Variants in LRSAM1 observed in about 807,000 individuals in gnomAD.
LRSAM1 encodes leucine rich repeat and sterile alpha motif containing 1.
Under a neutral mutation model 118.1 loss-of-function variants are expected in LRSAM1, and 96 were observed. The observed-to-expected ratio is 0.81, with a 90% confidence interval of 0.69 to 0.96. LRSAM1 has a LOEUF of 0.96. LRSAM1 is among the 40% of genes least tolerant of loss of function. LRSAM1 has a pLI of 0.00. For missense variants in LRSAM1, 804 were observed against 915.5 expected, an observed-to-expected ratio of 0.88 and a Z score of 1.57; for synonymous variants, 322 against 364.2, an observed-to-expected ratio of 0.88 and a Z score of 1.32.
chr9:127,483,234 A>ATTACTGC (rs1216219480), intron 16 of LRSAM1, among the ~76,000 whole-genome samples: 1 of 152,186 alleles, frequency 6.6e-6, no homozygotes, highest in Admixed American at 6.5e-5. Context: ...CCTTAGGGAC[A>ATTACTGC]TTACTGCTTA....
rs2131997198 is a variant in LRSAM1 at position 127,457,352 on chromosome 9, C to G, written c.211C>G (p.Leu71Val). The G allele has an allele frequency of 6.2e-7, 1 of 1,614,244 alleles. No homozygotes were observed. Among genetic ancestry groups the G allele is most frequent in the East Asian group, 2.2e-5 (1 of 44,884 alleles). Residue 71 changes from leucine (L) to valine (V), a missense_variant, in exon 6 of 26, where the codon CTT becomes GTT. Leu to Val is a conservative substitution (Grantham distance 32). Transcript: ENST00000300417. Reference protein sequence around the residue: ...IVHTNHLTSLLPKSCSLLSLA... With the variant: ...IVHTNHLTSLVPKSCSLLSLA... Reference sequence around the variant, plus strand: ...CCACACGAATCACCTCACTTCCCTGCTTCCCAAATCCTGCAGCCTCCTGAG... The same window carrying G: ...CCACACGAATCACCTCACTTCCCTGGTTCCCAAATCCTGCAGCCTCCTGAG...
chr9:127,470,537 G>A lies in LRSAM1; in HGVS notation c.619+2707G>A, dbSNP rs913872048. ...ATCAATGCCCAATGGAAATGCATAT[G>A]AATAAATGCCAAAAGCCATGTGCAA... On this transcript the variant is annotated intron_variant, in intron 10 of 25. Coordinates refer to ENST00000300417, the MANE Select transcript of LRSAM1 (RefSeq NM_001005373.4). Among the ~76,000 whole-genome samples, 3 of 152,070 alleles carry A rather than the reference G, an allele frequency of 2.0e-5. 1 individual carries two copies. The highest frequency in any genetic ancestry group is 4.4e-5 in the Non-Finnish European group (3 of 67,976).
At chr9:127,492,987 T>TAA (rs1835990670) in intron 21 of LRSAM1, 90 bp downstream of exon 21, 2 of 1,056,134 alleles carry the variant, frequency 1.9e-6, no homozygotes, top group Non-Finnish European at 2.9e-6. Context: ...GTTATTCAAG[T>TAA]AAGAGTTATT....
At chr9:127,466,506 T>TATATATATA (rs1331732184) in intron 9 of LRSAM1, among the ~76,000 whole-genome samples, 6 of 35,118 alleles carry the variant, frequency 1.7e-4, no homozygotes, top group South Asian at 1.4e-3. Flanking sequence ...ATATATATAT[T>TATATATATA]TTTTTTTTTT....
intron 20 of LRSAM1, 111 bp downstream of exon 20, chr9:127,491,406 C>A: frequency 1.2e-6 from 1 of 821,576 alleles, no homozygotes; most frequent in Non-Finnish European, 2.1e-6. Context: ...AAGGGCTTCC[C>A]CAGCAGACAG....
intron 5 of LRSAM1, among the ~76,000 whole-genome samples, chr9:127,456,041 C>G (rs568048850): frequency 2.6e-5 from 4 of 151,660 alleles, no homozygotes; most frequent in Non-Finnish European, 5.9e-5. Context: ...AAACTCACGC[C>G]TTTTATTCTG....
chr9:127,469,779 C>T (rs1835097293), intron 10 of LRSAM1, among the ~76,000 whole-genome samples: 1 of 152,098 alleles, frequency 6.6e-6, no homozygotes, highest in Non-Finnish European at 1.5e-5. Flanking sequence ...CTGACTAACA[C>T]AGTGAAACCC....
chr9:127,489,618 C>T, intron 19 of LRSAM1, 100 bp downstream of exon 19: 1 of 1,309,420 alleles, frequency 7.6e-7, no homozygotes, highest in East Asian at 2.5e-5. Context: ...TGAACCCCAG[C>T]TCCTTGGCTT....
intron 7 of LRSAM1, 32 bp from the exon 8 acceptor site, chr9:127,461,141 A>T: frequency 6.3e-7 from 1 of 1,580,074 alleles, no homozygotes; most frequent in East Asian, 2.3e-5. Flanking sequence ...GGCATAAGCC[A>T]CTGCGCCTGG....
intron 24 of LRSAM1, among the ~76,000 whole-genome samples, chr9:127,500,465 T>C (rs1309778931): frequency 6.6e-6 from 1 of 151,482 alleles, no homozygotes; most frequent in Non-Finnish European, 1.5e-5. Context: ...GGGGACTCTG[T>C]GGGGCTGGGG....
At chr9:127,467,930 C>A in intron 10 of LRSAM1, 100 bp downstream of exon 10, 1 of 1,168,958 alleles carries the variant, frequency 8.6e-7, no homozygotes, top group Non-Finnish European at 1.2e-6. Flanking sequence ...ACAGAAATGG[C>A]CACAGTGCCT....
At chr9:127,455,743 C>A in intron 5 of LRSAM1, 123 bp downstream of exon 5, 1 of 929,968 alleles carries the variant, frequency 1.1e-6, no homozygotes, top group South Asian at 1.3e-5. Flanking sequence ...TTCTTATGCT[C>A]TTGGCCTGCA....
At position 127,503,058 on chromosome 9, in the gene LRSAM1, T is replaced by C. The variant is rs2132134985; in HGVS notation, c.*159T>C. The C allele has an allele frequency of 1.0e-6, 1 of 977,702 alleles. No homozygotes were observed. Among genetic ancestry groups the C allele is most frequent in the Non-Finnish European group, 1.5e-6 (1 of 653,990 alleles). 60.6% of individuals were successfully genotyped at this position (977,702 alleles called of 1,614,324 possible). ...GAGCCCCCATCCTAAGCTCCAAGCA[T>C]GTCTGGGCCAGGCAGAGGTGCTCCT... On this transcript the variant is annotated 3_prime_UTR_variant, in exon 26 of 26. Transcript: ENST00000300417.
rs1352606373 is a variant in LRSAM1, at chr9:127,451,606, G to A, written c.-252G>A. 1.5e-5 allele frequency: 8 copies of A among 517,618 alleles called. No homozygotes were observed. The highest frequency in any genetic ancestry group is 2.8e-5 in the Non-Finnish European group (8 of 285,234). 32.1% of individuals were successfully genotyped at this position (517,618 alleles called of 1,614,324 possible). A position where few individuals can be genotyped will look rare whatever the true frequency, so the allele number is the denominator to read the frequency against. Reference sequence around the variant, plus strand: ...AAAGGGGGTTCGGGTAGTTCGCTCCGGAGAAGTCTGAGAAGGGTGGCTCCG... The same window carrying A: ...AAAGGGGGTTCGGGTAGTTCGCTCCAGAGAAGTCTGAGAAGGGTGGCTCCG... On this transcript the variant is annotated 5_prime_UTR_variant, in exon 1 of 26. Transcript: ENST00000300417.
At chr9:127,487,609 G>C in intron 17 of LRSAM1, 67 bp from the exon 18 acceptor site, 1 of 1,446,832 alleles carries the variant, frequency 6.9e-7, no homozygotes, top group South Asian at 1.2e-5. Context: ...TCCTCCAAGG[G>C]GCCTGGCACA....
At chr9:127,481,931 T>C (rs537907506) in intron 15 of LRSAM1, among the ~76,000 whole-genome samples, 1 of 151,442 alleles carries the variant, frequency 6.6e-6, no homozygotes, top group African/African-American at 2.4e-5. Context: ...GGCAGGCGCC[T>C]ATGGTTCCAG....
rs765716709 is a variant in LRSAM1, at chr9:127,480,030, C to T, written c.1043+52C>T. On this transcript the variant is annotated intron_variant, in intron 14 of 25. Coordinates refer to ENST00000300417, the MANE Select transcript of LRSAM1 (RefSeq NM_001005373.4). Reference sequence around the variant, plus strand: ...CCCAGAGTCCTTCCCCGTGCAGTCCCCTGAGGAGCCGGGAGGAGTGTGTTT... The same window carrying T: ...CCCAGAGTCCTTCCCCGTGCAGTCCTCTGAGGAGCCGGGAGGAGTGTGTTT... The T allele has an allele frequency of 4.3e-6, 7 of 1,613,146 alleles. No individual in the cohort carries two copies. In the South Asian group the frequency reaches 6.6e-5, roughly 15 times the overall value.
intron 16 of LRSAM1, among the ~76,000 whole-genome samples, chr9:127,484,384 T>C (rs1468965580): frequency 6.6e-6 from 1 of 152,154 alleles, no homozygotes; most frequent in African/African-American, 2.4e-5. Context: ...TTTCTTTTTT[T>C]CTTTTTTCCT....
chr9:127,458,608 A>G (rs921795255), intron 6 of LRSAM1, among the ~76,000 whole-genome samples: 1 of 152,114 alleles, frequency 6.6e-6, no homozygotes, highest in Non-Finnish European at 1.5e-5. Context: ...ATAAAATTAA[A>G]TTAAAAATTA....
Sources: allele counts gnomAD v4.1 joint callset (sites outside exome capture counted in the v4.1 genomes callset), GRCh38; gene constraint gnomAD v4.1.1; transcripts MANE v1.5; gene names NCBI Gene and HGNC (gene_info 2026-07-23, HGNC 2026-07-21).